DNAH2: variants seen among roughly 807,000 people sequenced by gnomAD.
DNAH2 encodes dynein axonemal heavy chain 2.
A neutral mutation model predicts 523.5 loss-of-function variants in DNAH2; 323 were observed. The ratio of observed to expected loss-of-function variants is 0.62; its 90% CI spans 0.56 to 0.68. DNAH2 has a LOEUF of 0.68. DNAH2 is among the 30% of genes least tolerant of loss of function. DNAH2 has a pLI of 0.00. For synonymous variants in DNAH2, 2,093 were observed against 2,177.4 expected, an observed-to-expected ratio of 0.96 and a Z score of 1.08; for missense variants, 4,907 against 5,701.5, an observed-to-expected ratio of 0.86 and a Z score of 4.49.
At position 7,773,436 on chromosome 17, in the gene DNAH2, C is replaced by T. The variant is rs1221931801; in HGVS notation, c.4502-1323C>T. 3.3e-5 allele frequency among the ~76,000 whole-genome samples: 5 copies of T among 152,188 alleles called. No individual in the cohort carries two copies. The South Asian group carries it at 8.3e-4, about 25-fold the overall frequency. On this transcript the variant is annotated intron_variant, in intron 28 of 85. Coordinates refer to ENST00000572933, the MANE Select transcript of DNAH2 (RefSeq NM_020877.5). ...ATGGGAAATCTAGGAAGACGGACCC[C>T]CAAGTTCTTAGGTGGGTGTGTTATA...
In DNAH2 at chr17:7,787,107, G is replaced by A. The variant is rs1018596842; in HGVS notation, c.6603+74G>A. ...GGGCGTGGGCCGGGGCTGGGGAGGA[G>A]AGCCAGAAATCTCAGAGCAGGGCAG... is the stretch of plus-strand genomic sequence containing the variant. On this transcript the variant is annotated intron_variant, in intron 42 of 85. Coordinates refer to ENST00000572933, the MANE Select transcript of DNAH2 (RefSeq NM_020877.5). 3.8e-6 allele frequency: 6 copies of A among 1,565,606 alleles called. No homozygotes were observed. The Admixed American group carries it at 1.1e-4, about 28-fold the overall frequency.
At chr17:7,743,511 CA>C (rs2075420347) in intron 12 of DNAH2, 2 of 623,032 alleles carry the variant, frequency 3.2e-6, no homozygotes. Context: ...GCAAAAAATA[CA>C]AAGATTAGCT....
intron 42 of DNAH2, 186 bp downstream of exon 42, chr17:7,787,219 G>C: frequency 1.3e-6 from 1 of 755,604 alleles, no homozygotes; most frequent in Middle Eastern, 3.9e-4. Context: ...CGCGGCTGTT[G>C]AGAACAATGA....
chr17:7,783,766 C>T (rs929856932), intron 39 of DNAH2, among the ~76,000 whole-genome samples: 1 of 150,868 alleles, frequency 6.6e-6, no homozygotes, highest in Non-Finnish European at 1.5e-5. Context: ...GATTGTGCCA[C>T]TCCAGCCTGG....
intron 69 of DNAH2, 48 bp downstream of exon 69, chr17:7,818,508 G>A (rs2077751320): frequency 2.5e-6 from 4 of 1,608,160 alleles, no homozygotes; most frequent in African/African-American, 2.7e-5. Context: ...AGCAGGAAGA[G>A]TTTGGAAGGA....
chr17:7,759,051 T>G lies in DNAH2; in HGVS notation c.2375T>G (p.Leu792Trp). ...REHRAAVQQKLMNLHQDVVTI... is the reference protein window; with the variant it reads ...REHRAAVQQKWMNLHQDVVTI... ...CATCGGGCAGCTGTACAGCAGAAAT[T>G]GATGAACCTGCACCAGGATGTGGTG... Residue 792 changes from leucine (L) to tryptophan (W), a missense_variant, in exon 15 of 86, where the codon TTG (leucine) becomes TGG (tryptophan). Coordinates refer to ENST00000572933, the MANE Select transcript of DNAH2 (RefSeq NM_020877.5). 1 of 1,614,146 alleles carries G rather than the reference T, an allele frequency of 6.2e-7. No homozygotes were observed. Among genetic ancestry groups the G allele is most frequent in the Non-Finnish European group, 8.5e-7 (1 of 1,180,026 alleles).
At chr17:7,800,082 C>T (rs1006198490) in intron 56 of DNAH2, among the ~76,000 whole-genome samples, 1 of 152,166 alleles carries the variant, frequency 6.6e-6, no homozygotes, top group Non-Finnish European at 1.5e-5. Flanking sequence ...GACGGAGTCT[C>T]GCTGTGTTGC....
intron 12 of DNAH2, among the ~76,000 whole-genome samples, chr17:7,755,887 C>T (rs558729914): frequency 6.6e-6 from 1 of 151,706 alleles, no homozygotes; most frequent in East Asian, 2.0e-4. Flanking sequence ...GCAACCTCCA[C>T]CTCCCAGGTT....
chr17:7,727,346 C>A, intron 4 of DNAH2, 54 bp downstream of exon 4: 1 of 1,561,954 alleles, frequency 6.4e-7, no homozygotes, highest in South Asian at 1.2e-5. Context: ...GCCGAGGGCT[C>A]TCAGTTCCTT....
At chr17:7,825,217 C>T (rs927255620) in intron 77 of DNAH2, among the ~76,000 whole-genome samples, 5 of 152,304 alleles carry the variant, frequency 3.3e-5, no homozygotes, top group Middle Eastern at 3.4e-3. Context: ...ATTTTTATCT[C>T]CAATATCACA....
chr17:7,737,162 T>C lies in DNAH2; in HGVS notation c.1074T>C (p.Ser358=). 6.2e-7 allele frequency: 1 copy of C among 1,613,926 alleles called. No individual in the cohort carries two copies. The highest frequency in any genetic ancestry group is 8.5e-7 in the Non-Finnish European group (1 of 1,179,852). ...CTTTCATGAAGCCCAAGGACATCTC[T>C]AGCAAGCTCCCTAAGCTGATCAGTC... The part of the protein sequence containing the change: ...ELAFMKPKDI[S]SKLPKLISLI... The change falls in exon 8 of 86, where the codon TCT becomes TCC. Residue 358 remains serine (S), a synonymous_variant. Transcript: ENST00000572933.
Position 7,754,942 on chromosome 17 carries a change from A to C in DNAH2, c.1905-2149A>C. Reference sequence around the variant, plus strand: ...CATGGGGCTGGGGTCCTCCTGCGCTATTGGTACAAATAAGCCTGAGGCAGA... The same window carrying C: ...CATGGGGCTGGGGTCCTCCTGCGCTCTTGGTACAAATAAGCCTGAGGCAGA... On this transcript the variant is annotated intron_variant, in intron 12 of 85. Coordinates refer to ENST00000572933, the MANE Select transcript of DNAH2 (RefSeq NM_020877.5). The surrounding 1 kb of genome is among the most constrained non-coding windows in gnomAD (Gnocchi z 4.6). 2.4e-6 allele frequency: 1 copy of C among 424,918 alleles called. No individual in the cohort carries two copies. The highest frequency in any genetic ancestry group is 4.2e-6 in the Non-Finnish European group (1 of 237,168). 26.3% of individuals were successfully genotyped at this position (424,918 alleles called of 1,614,324 possible). A position where few individuals can be genotyped will look rare whatever the true frequency, so the allele number is the denominator to read the frequency against.
chr17:7,807,033 G>A lies in DNAH2; in HGVS notation c.9443-117G>A. ...ACTAGGGGCCAGGTCAGATAATTTG[G>A]CCTTAGGAACTGAGCCCAGGAAAAA... On this transcript the variant is annotated intron_variant, in intron 61 of 85. Coordinates refer to ENST00000572933, the MANE Select transcript of DNAH2 (RefSeq NM_020877.5). This position sits in a 1 kb window ranked among gnomAD's most constrained non-coding sequence, Gnocchi z 5.6. The A allele has an allele frequency of 7.9e-7, 1 of 1,259,486 alleles. No homozygotes were observed. Among genetic ancestry groups the A allele is most frequent in the Non-Finnish European group, 1.1e-6 (1 of 907,878 alleles). The allele number at this position is 1,259,486 out of a possible 1,614,324, so 78.0% of individuals were successfully genotyped here. A position where few individuals can be genotyped will look rare whatever the true frequency, so the allele number is the denominator to read the frequency against.
At chr17:7,779,093 A>G in intron 35 of DNAH2, 150 bp from the exon 36 acceptor site, 2 of 822,320 alleles carry the variant, frequency 2.4e-6, no homozygotes, top group South Asian at 3.6e-5. Flanking sequence ...GCCAGAAGCT[A>G]CAACAGTGTA....
chr17:7,794,752 CTTT>C (rs764592403), intron 49 of DNAH2, among the ~76,000 whole-genome samples: 27 of 125,230 alleles, frequency 2.2e-4, no homozygotes, highest in African/African-American at 9.0e-5. Flanking sequence ...TTAACACTTC[CTTT>C]TTTTTTTTTT....
intron 8 of DNAH2, among the ~76,000 whole-genome samples, 177 bp downstream of exon 8, chr17:7,737,435 G>A (rs943359045): frequency 2.0e-5 from 3 of 152,206 alleles, no homozygotes; most frequent in African/African-American, 7.2e-5. Flanking sequence ...GGGTTGCTCA[G>A]CATTGGAGCC....
rs774918771 is a variant in DNAH2, at chr17:7,757,077, G to GCT, written c.1905-6_1905-5dup. On this transcript the variant is annotated splice_polypyrimidine_tract_variant and intron_variant, in intron 12 of 85. Coordinates refer to ENST00000572933, the MANE Select transcript of DNAH2 (RefSeq NM_020877.5). The stretch of plus-strand genomic sequence containing the variant: ...CGTGCGGTCCCCTCACTGCCTGGCT[G>GCT]CTCTCTCTCAAAGGTCCCTTCTGAT... The GCT allele has an allele frequency of 2.5e-6, 4 of 1,613,706 alleles. No homozygotes were observed. Among genetic ancestry groups the GCT allele is most frequent in the Non-Finnish European group, 3.4e-6 (4 of 1,179,820 alleles).
chr17:7,748,581 C>T (rs1050756125), intron 12 of DNAH2, among the ~76,000 whole-genome samples: 10 of 152,246 alleles, frequency 6.6e-5, no homozygotes, highest in South Asian at 4.1e-4. Flanking sequence ...CTGTAGCCTC[C>T]GCCTCCCGGG....
In DNAH2 at chr17:7,780,735, T is replaced by C. The variant is rs761138859; in HGVS notation, c.5956T>C (p.Tyr1986His). The change falls in exon 38 of 86, where the codon TAT (tyrosine) becomes CAT (histidine). Residue 1986 changes from tyrosine to histidine, a missense_variant. Tyr to His is a moderately conservative substitution (Grantham distance 83, BLOSUM62 2). Coordinates refer to ENST00000572933, the MANE Select transcript of DNAH2 (RefSeq NM_020877.5). This position sits in a 1 kb window ranked among gnomAD's most constrained non-coding sequence, Gnocchi z 4.4. Reference sequence around the variant, plus strand: ...GCGTGCCCTCACCTCCCTTCTGCGCTATGCTGGCAAGAAGCGCCGCCTACA... The same window carrying C: ...GCGTGCCCTCACCTCCCTTCTGCGCCATGCTGGCAAGAAGCGCCGCCTACA... ...GLRALTSLLRYAGKKRRLQPD... is the reference protein window; with the variant it reads ...GLRALTSLLRHAGKKRRLQPD... 3.1e-6 allele frequency: 5 copies of C among 1,614,278 alleles called. No homozygotes were observed. The highest frequency in any genetic ancestry group is 1.1e-5 in the South Asian group (1 of 91,092).
Sources: gnomAD v4.1 joint callset for allele counts (sites outside exome capture counted in the v4.1 genomes callset) on GRCh38, gnomAD v4.1.1 for gene constraint, Gnocchi (gnomAD v3.1) non-coding constraint, MANE v1.5 for transcripts, NCBI Gene and HGNC (gene_info 2026-07-23, HGNC 2026-07-21) for gene names.